PPP2R5C: variants seen among roughly 807,000 people sequenced by gnomAD.
The protein encoded by PPP2R5C is serine/threonine-protein phosphatase 2A 56 kDa regulatory subunit gamma isoform.
PPP2R5C carries 7 observed loss-of-function variants against 68.9 expected under a neutral mutation model. The observed-to-expected ratio is 0.10, with a 90% CI of 0.06 to 0.19. PPP2R5C has a LOEUF of 0.19. PPP2R5C is among the 10% of genes least tolerant of loss of function. PPP2R5C has a pLI of 1.00. For missense variants in PPP2R5C, 348 were observed against 641.3 expected (o/e 0.54, Z 4.94); for synonymous variants, 210 against 222.2 (o/e 0.95, Z 0.49).
At chr14:101,761,624 CG>C (rs1336409637), upstream of PPP2R5C, among the ~76,000 whole-genome samples, 1 of 5,412 alleles carries the variant, frequency 1.8e-4, no homozygotes, top group African/African-American at 3.2e-4. Context: ...GGCGGCCGGC[CG>C]GGGGGTGGGA....
intron 1 of PPP2R5C, among the ~76,000 whole-genome samples, chr14:101,833,665 C>G (rs1266970290): frequency 6.6e-6 from 1 of 152,154 alleles, no homozygotes; most frequent in Non-Finnish European, 1.5e-5. Context: ...TTCCACCACC[C>G]CCAGCCAGAT....
At chr14:101,762,402 G>A (rs2036596986) in intron 1 of PPP2R5C, among the ~76,000 whole-genome samples, 1 of 152,124 alleles carries the variant, frequency 6.6e-6, no homozygotes, top group Admixed American at 6.5e-5. Flanking sequence ...AGCTGGTAAG[G>A]AATTCTCTGC....
intron 2 of PPP2R5C, among the ~76,000 whole-genome samples, chr14:101,872,407 T>C (rs1050915977): frequency 6.6e-6 from 1 of 151,846 alleles, no homozygotes; most frequent in Non-Finnish European, 1.5e-5. Flanking sequence ...CCAGCTAATT[T>C]TTTTACTTTT....
In PPP2R5C at chr14:101,915,041, G is replaced by A. The variant is rs1197967771; in HGVS notation, c.1326+2568G>A. Among the ~76,000 whole-genome samples, 1 of 152,116 alleles carries A rather than the reference G, an allele frequency of 6.6e-6. No homozygotes were observed. Among genetic ancestry groups the A allele is most frequent in the Non-Finnish European group, 1.5e-5 (1 of 68,022 alleles). On this transcript the variant is annotated intron_variant, in intron 12 of 13. Transcript: ENST00000334743. The surrounding 1 kb of genome is among the most constrained non-coding windows in gnomAD (Gnocchi z 4.2). ...GCTCATGTGCGGAATGCACCTCAGT[G>A]AAGGTTTTTGTTTTGGTTTGGTTTG...
chr14:101,824,149 G>A (rs2140290994), intron 1 of PPP2R5C: 4 of 1,280,616 alleles, frequency 3.1e-6, no homozygotes, highest in East Asian at 5.6e-5. Flanking sequence ...TTTAGACATA[G>A]CTGGCAAGAG....
intron 2 of PPP2R5C, among the ~76,000 whole-genome samples, chr14:101,863,016 A>G (rs1371752221): frequency 6.6e-6 from 1 of 151,810 alleles, no homozygotes; most frequent in African/African-American, 2.4e-5. Flanking sequence ...TTTTAAAGAG[A>G]TGGAGTCTGG....
At chr14:101,824,023 C>T in intron 1 of PPP2R5C, 1 of 1,289,056 alleles carries the variant, frequency 7.8e-7, no homozygotes, top group Non-Finnish European at 1.0e-6. Context: ...GGCACAGTGC[C>T]CACTTGTTCC....
chr14:101,874,490 C>T (rs1030970340), intron 2 of PPP2R5C, among the ~76,000 whole-genome samples: 1 of 152,176 alleles, frequency 6.6e-6, no homozygotes, highest in Non-Finnish European at 1.5e-5. Context: ...CTTAAGAGCA[C>T]TTCCAAATCC....
At chr14:101,763,574 G>T (rs1273609643) in intron 2 of PPP2R5C, among the ~76,000 whole-genome samples, 4 of 152,040 alleles carry the variant, frequency 2.6e-5, no homozygotes. Flanking sequence ...TTAGAGACGG[G>T]GTTTCACCAG....
intron 1 of PPP2R5C, among the ~76,000 whole-genome samples, chr14:101,845,174 A>C (rs984044217): frequency 2.0e-5 from 3 of 152,054 alleles, no homozygotes; most frequent in Admixed American, 6.5e-5. Flanking sequence ...CAATTCAGCT[A>C]ACACCGTTGA....
chr14:101,831,831 C>A (rs994001328), intron 1 of PPP2R5C: 1 of 691,074 alleles, frequency 1.4e-6, no homozygotes, highest in Non-Finnish European at 2.7e-6. Context: ...TAGAAGCAAT[C>A]CCCAACATGG....
intron 2 of PPP2R5C, among the ~76,000 whole-genome samples, chr14:101,863,171 G>T (rs759286292): frequency 2.6e-5 from 4 of 152,110 alleles, no homozygotes; most frequent in Non-Finnish European, 1.5e-5. Flanking sequence ...AGCTGGGTTT[G>T]GTGGCACACT....
rs2046013738 is a variant in PPP2R5C at position 101,906,219 on chromosome 14, G to A, written c.1024-183G>A. ...TGAGTTGATGTACAAGAAGTTGTCT[G>A]CCTCTTTGTTGAAGGCTCTTCAGGG... On this transcript the variant is annotated intron_variant, in intron 9 of 13. Coordinates refer to ENST00000334743, the Ensembl canonical transcript of PPP2R5C. This position sits in a 1 kb window ranked among gnomAD's most constrained non-coding sequence, Gnocchi z 4.0. Among the ~76,000 whole-genome samples, 1 of 152,216 alleles carries A rather than the reference G, an allele frequency of 6.6e-6. No individual in the cohort carries two copies. Among genetic ancestry groups the A allele is most frequent in the South Asian group, 2.1e-4 (1 of 4,828 alleles).
intron 12 of PPP2R5C, among the ~76,000 whole-genome samples, chr14:101,914,723 G>T (rs995112678): frequency 3.3e-5 from 5 of 152,212 alleles, no homozygotes; most frequent in African/African-American, 1.2e-4. Context: ...TCTTATTTGA[G>T]CAGTTATGGC....
chr14:101,872,393 A>G (rs975170571), intron 2 of PPP2R5C, among the ~76,000 whole-genome samples: 1 of 151,576 alleles, frequency 6.6e-6, no homozygotes, highest in Non-Finnish European at 1.5e-5. Context: ...ACATGCCACC[A>G]TGTCCAGCTA....
chr14:101,893,715 A>G (rs28660335), intron 7 of PPP2R5C, among the ~76,000 whole-genome samples: 7,011 of 152,314 alleles, frequency 0.046, 372 homozygotes, highest in African/African-American at 0.12. Flanking sequence ...GCGCCATTGC[A>G]CTCCAGCCTG....
At chr14:101,846,755 G>A (rs1459270682) in intron 1 of PPP2R5C, among the ~76,000 whole-genome samples, 1 of 152,154 alleles carries the variant, frequency 6.6e-6, no homozygotes, top group East Asian at 1.9e-4. Flanking sequence ...CTGGGTTCAT[G>A]GGCTGTAGCT....
Position 101,791,500 on chromosome 14 carries a change from AGT to A in PPP2R5C, c.259+5320_259+5321del, listed in dbSNP as rs2038364500. Among the ~76,000 whole-genome samples, 7 of 152,190 alleles carry A rather than the reference AGT, an allele frequency of 4.6e-5. No individual in the cohort carries two copies. In the South Asian group the frequency reaches 1.4e-3, roughly 31 times the overall value. On this transcript the variant is annotated intron_variant, in intron 3 of 14. Transcript: ENST00000328724. ...GTACAAAATACACTGTGTATAAAAT[AGT>A]GTTTTTATTATTATAGTCAGTAGAC...
rs569464359 is a variant in PPP2R5C at position 101,768,904 on chromosome 14, C to A, written c.93+5934C>A. Among the ~76,000 whole-genome samples, 55 of 151,676 alleles carry A rather than the reference C, an allele frequency of 3.6e-4. 2 individuals are homozygous for A. Among genetic ancestry groups the A allele is most frequent in the Non-Finnish European group, 7.4e-5 (5 of 67,914 alleles). Reference sequence around the variant, plus strand: ...CAGTGGCGCAATCTCCGCTCACTGCCAGCTCCGCCTCCCGGATTCACACCA... The same window carrying A: ...CAGTGGCGCAATCTCCGCTCACTGCAAGCTCCGCCTCCCGGATTCACACCA... On this transcript the variant is annotated intron_variant, in intron 2 of 14. Transcript: ENST00000328724.
Sources: allele counts gnomAD v4.1 joint callset (sites outside exome capture counted in the v4.1 genomes callset), GRCh38; gene constraint gnomAD v4.1.1; non-coding constraint Gnocchi (gnomAD v3.1); transcripts MANE v1.5; gene names NCBI Gene and HGNC (gene_info 2026-07-23, HGNC 2026-07-21).